ERG: variants seen among roughly 807,000 people sequenced by gnomAD.
The protein encoded by ERG is transcriptional regulator ERG.
A neutral mutation model predicts 55.3 loss-of-function variants in ERG; 9 were observed. The ratio of observed to expected loss-of-function variants is 0.16; its 90% CI spans 0.10 to 0.28. The LOEUF (loss-of-function observed/expected upper bound fraction) is 0.28. Ranked by LOEUF, ERG falls within the 10% of genes least tolerant of loss-of-function variation. The pLI, the probability that ERG is intolerant of heterozygous loss-of-function variation, is 1.00. For synonymous variants in ERG, 223 were observed against 237.3 expected, an observed-to-expected ratio of 0.94 and a Z score of 0.55; for missense variants, 434 against 631.6, an observed-to-expected ratio of 0.69 and a Z score of 3.35.
intron 9 of ERG, among the ~76,000 whole-genome samples, chr21:38,387,715 T>C (rs1056936046): frequency 6.6e-6 from 1 of 152,222 alleles, no homozygotes; most frequent in Non-Finnish European, 1.5e-5. Flanking sequence ...AATTGGCCTA[T>C]TGAACCATGA....
chr21:38,566,589 G>A (rs78323665), intron 2 of ERG, among the ~76,000 whole-genome samples: 2,576 of 152,254 alleles, frequency 0.017, 74 homozygotes, highest in African/African-American at 0.059. Context: ...TAGTGGAGCC[G>A]AAGAGACTTG....
intron 1 of ERG, among the ~76,000 whole-genome samples, chr21:38,576,998 G>A (rs3761366): frequency 0.079 from 12,021 of 152,174 alleles, 510 homozygotes; most frequent in South Asian, 0.15. Context: ...GCCTTTTTTA[G>A]TTTACATTTT....
chr21:38,390,963 T>C, intron 9 of ERG, 32 bp downstream of exon 9: 1 of 1,592,382 alleles, frequency 6.3e-7, no homozygotes, highest in Non-Finnish European at 8.6e-7. Context: ...AAAAGTAATT[T>C]TGTAAGAAGA....
intron 1 of ERG, among the ~76,000 whole-genome samples, chr21:38,494,479 C>T (rs1319764172): frequency 6.6e-6 from 1 of 152,214 alleles, no homozygotes; most frequent in Non-Finnish European, 1.5e-5. Context: ...GGTCTCCACT[C>T]CCACAGAGGG....
chr21:38,541,966 A>G (rs2059755779), intron 2 of ERG, among the ~76,000 whole-genome samples: 1 of 66,750 alleles, frequency 1.5e-5, no homozygotes, highest in Non-Finnish European at 3.0e-5. Flanking sequence ...AATAGCTTCA[A>G]AGTAAAAATA....
intron 2 of ERG, among the ~76,000 whole-genome samples, chr21:38,572,354 C>A (rs750215954): frequency 4.4e-5 from 6 of 135,042 alleles, no homozygotes; most frequent in African/African-American, 1.8e-4. Context: ...GGCAACAAAG[C>A]GAGACTCCAT....
intron 3 of ERG, among the ~76,000 whole-genome samples, chr21:38,405,037 C>T (rs1459345419): frequency 1.3e-5 from 2 of 152,096 alleles, no homozygotes; most frequent in African/African-American, 2.4e-5. Context: ...CCTTCAGCTA[C>T]ATAGAAGAAA....
chr21:38,458,537 G>A (rs533366096), intron 1 of ERG, among the ~76,000 whole-genome samples: 1 of 152,060 alleles, frequency 6.6e-6, no homozygotes, highest in South Asian at 2.1e-4. Flanking sequence ...TGCCAATTCA[G>A]TATTTCTGCA....
intron 1 of ERG, among the ~76,000 whole-genome samples, chr21:38,629,337 C>T (rs139857691): frequency 6.6e-6 from 1 of 152,236 alleles, no homozygotes; most frequent in Non-Finnish European, 1.5e-5. Flanking sequence ...AACCTTTCCA[C>T]ACTCAATGGA....
chr21:38,564,448 CACA>C (rs1172844252), intron 2 of ERG, among the ~76,000 whole-genome samples: 2 of 152,148 alleles, frequency 1.3e-5, no homozygotes, highest in African/African-American at 4.8e-5. Context: ...AAACAATCTG[CACA>C]ACAAATATTA....
intron 1 of ERG, among the ~76,000 whole-genome samples, chr21:38,657,166 T>A (rs1540016): frequency 6.6e-6 from 1 of 152,104 alleles, no homozygotes; most frequent in Non-Finnish European, 1.5e-5. Context: ...CTATTTTACA[T>A]ACTTGAAGGA....
In ERG at chr21:38,439,341, T is replaced by C. The variant is rs536967306; in HGVS notation, c.236+6063A>G. Among the ~76,000 whole-genome samples the C allele has an allele frequency of 3.3e-5, 5 of 152,344 alleles. No individual in the cohort carries two copies. In the South Asian group the frequency reaches 1.0e-3, roughly 32 times the overall value. The stretch of plus-strand genomic sequence containing the variant: ...GCAGGTGTTACCTCTTGGCTTATCC[T>C]GCTAGTCTATCATGACTTGAGCTTT... On this transcript the variant is annotated intron_variant, in intron 2 of 9. Transcript: ENST00000288319.
At chr21:38,391,761 G>C (rs2146429638) in intron 7 of ERG, 46 bp from the exon 8 acceptor site, 1 of 1,475,054 alleles carries the variant, frequency 6.8e-7, no homozygotes, top group African/African-American at 1.4e-5. Context: ...AACAGATTTG[G>C]TCACTAGTCT....
chr21:38,436,020 C>CT (rs11384369), intron 2 of ERG, among the ~76,000 whole-genome samples: 76,536 of 133,242 alleles, frequency 0.57, 22,615 homozygotes, highest in East Asian at 0.78. Flanking sequence ...TTCTTTTTTT[C>CT]TTTTTTTTTT....
At position 38,383,382 on chromosome 21, in the gene ERG, G is replaced by C. The variant is rs1987535540; in HGVS notation, c.*21C>G. The C allele has an allele frequency of 6.8e-7, 1 of 1,479,684 alleles. No individual in the cohort carries two copies. Among genetic ancestry groups the C allele is most frequent in the Non-Finnish European group, 9.0e-7 (1 of 1,112,924 alleles). The allele number at this position is 1,479,684 out of a possible 1,614,324, so 91.7% of individuals were successfully genotyped here. On this transcript the variant is annotated 3_prime_UTR_variant, in exon 10 of 10. Coordinates refer to ENST00000288319, the MANE Select transcript of ERG (RefSeq NM_182918.4). The surrounding 1 kb of genome is among the most constrained non-coding windows in gnomAD (Gnocchi z 5.7). ...ATGGGCTGGTGAATGCACGCTGATG[G>C]GAAAAGCCTCCGCCAGGTCTTTAGT...
intron 1 of ERG, among the ~76,000 whole-genome samples, chr21:38,650,493 C>T (rs553097807): frequency 1.4e-4 from 21 of 152,114 alleles, no homozygotes; most frequent in East Asian, 5.8e-4. Flanking sequence ...AAAAATTAGC[C>T]GGGTATGGTG....
chr21:38,383,272 C>T lies in ERG; in HGVS notation c.*131G>A, dbSNP rs371652920. ...CCCAAGAGTCTTTGGATCTCTTCCC[C>T]GGCTTCCTTCCCCAGCCCCAGTAAA... On this transcript the variant is annotated 3_prime_UTR_variant, in exon 10 of 10. Coordinates refer to ENST00000288319, the MANE Select transcript of ERG (RefSeq NM_182918.4). This position sits in a 1 kb window ranked among gnomAD's most constrained non-coding sequence, Gnocchi z 5.7. The T allele has an allele frequency of 1.5e-5, 20 of 1,336,548 alleles. No homozygotes were observed. The East Asian group carries it at 1.9e-4, about 13-fold the overall frequency. The allele number at this position is 1,336,548 out of a possible 1,614,324, so 82.8% of individuals were successfully genotyped here. A position where few individuals can be genotyped will look rare whatever the true frequency, so the allele number is the denominator to read the frequency against.
At chr21:38,483,550 T>C (rs573137593) in intron 1 of ERG, among the ~76,000 whole-genome samples, 2 of 152,296 alleles carry the variant, frequency 1.3e-5, no homozygotes, top group East Asian at 3.9e-4. Flanking sequence ...TCTTTCATGA[T>C]ATAAAAAGCA....
intron 1 of ERG, among the ~76,000 whole-genome samples, chr21:38,637,494 C>A (rs186259719): frequency 6.6e-6 from 1 of 152,116 alleles, no homozygotes; most frequent in African/African-American, 2.4e-5. Flanking sequence ...GGAAAGTTAC[C>A]TAACATTTCT....
Sources: allele counts gnomAD v4.1 joint callset (sites outside exome capture counted in the v4.1 genomes callset), GRCh38; gene constraint gnomAD v4.1.1; non-coding constraint Gnocchi (gnomAD v3.1); transcripts MANE v1.5; gene names NCBI Gene and HGNC (gene_info 2026-07-23, HGNC 2026-07-21).